PTPRD: variants seen among roughly 807,000 people sequenced by gnomAD.
PTPRD encodes receptor-type tyrosine-protein phosphatase delta.
PTPRD carries 34 observed loss-of-function variants against 214.5 expected under a neutral mutation model. The ratio of observed to expected loss-of-function variants is 0.16; its 90% CI spans 0.12 to 0.21. PTPRD has a LOEUF of 0.21. Ranked by LOEUF, PTPRD falls within the 10% of genes least tolerant of loss-of-function variation. PTPRD has a pLI of 1.00. For missense variants in PTPRD, 2,545 were observed against 2,398.7 expected (o/e 1.06, Z -1.27); for synonymous variants, 1,128 against 845.7 (o/e 1.33, Z -5.79).
chr9:9,448,454 C>G (rs1027101882), intron 8 of PTPRD, among the ~76,000 whole-genome samples: 2 of 152,060 alleles, frequency 1.3e-5, no homozygotes, highest in African/African-American at 4.8e-5. Flanking sequence ...AGTTCATTCT[C>G]TCTCTCTCCT....
At chr9:9,752,082 T>C (rs752743182) in intron 6 of PTPRD, among the ~76,000 whole-genome samples, 1 of 152,058 alleles carries the variant, frequency 6.6e-6, no homozygotes, top group Non-Finnish European at 1.5e-5. Context: ...ATGAAGGAAT[T>C]ATAAAGGAGA....
intron 2 of PTPRD, among the ~76,000 whole-genome samples, chr9:10,521,978 G>T (rs10756058): frequency 0.39 from 58,636 of 151,848 alleles, 12,873 homozygotes; most frequent in Non-Finnish European, 0.51. Context: ...ATGTCTGTAT[G>T]GTCTTTTTGA....
chr9:10,597,372 A>C (rs189083918), intron 2 of PTPRD, among the ~76,000 whole-genome samples: 2,649 of 151,858 alleles, frequency 0.017, 35 homozygotes, highest in Non-Finnish European at 0.029. Context: ...CTTCGAATGA[A>C]TATGCTTTGA....
At chr9:10,428,296 G>C (rs1481186469) in intron 2 of PTPRD, among the ~76,000 whole-genome samples, 4 of 152,060 alleles carry the variant, frequency 2.6e-5, no homozygotes, top group Non-Finnish European at 2.9e-5. Flanking sequence ...GACAGAGCAA[G>C]ACTCTGTCTT....
At chr9:10,129,912 G>C (rs2098846929) in intron 3 of PTPRD, among the ~76,000 whole-genome samples, 1 of 151,264 alleles carries the variant, frequency 6.6e-6, no homozygotes, top group Non-Finnish European at 1.5e-5. Flanking sequence ...TGGTAGTTTG[G>C]TTTAGTGGAA....
intron 10 of PTPRD, among the ~76,000 whole-genome samples, chr9:9,082,825 C>A (rs1378576642): frequency 6.6e-6 from 1 of 151,944 alleles, no homozygotes; most frequent in Non-Finnish European, 1.5e-5. Context: ...AATAAAATAC[C>A]TAGGAATATA....
chr9:10,060,822 T>TCC lies in PTPRD; in HGVS notation c.-544-27033_-544-27032insGG, dbSNP rs1413663336. Among the ~76,000 whole-genome samples the TCC allele has an allele frequency of 1.1e-3, 145 of 127,910 alleles. 9 individuals carry two copies. Among genetic ancestry groups the TCC allele is most frequent in the Middle Eastern group, 3.5e-3 (1 of 282 alleles). The allele number at this position is 127,910 out of a possible 152,430, so 83.9% of individuals were successfully genotyped here. A position where few individuals can be genotyped will look rare whatever the true frequency, so the allele number is the denominator to read the frequency against. On this transcript the variant is annotated intron_variant, in intron 3 of 45. Coordinates refer to ENST00000381196, the MANE Select transcript of PTPRD (RefSeq NM_002839.4). ...TTTCTTCCTTTCTTTCTTTCTTTCT[T>TCC]TCTTTCTTCCTTCCTTCCTTCCTTT...
chr9:9,919,454 T>A (rs2081929041), intron 5 of PTPRD, among the ~76,000 whole-genome samples: 2 of 152,120 alleles, frequency 1.3e-5, no homozygotes, highest in Non-Finnish European at 2.9e-5. Flanking sequence ...ACCAGTGAAC[T>A]CAGTTTCCCA....
intron 12 of PTPRD, among the ~76,000 whole-genome samples, chr9:8,727,697 C>T (rs1386358590): frequency 6.6e-6 from 1 of 152,066 alleles, no homozygotes; most frequent in Non-Finnish European, 1.5e-5. Context: ...CTCTCTGTCA[C>T]ACGGCTGCAG....
intron 7 of PTPRD, among the ~76,000 whole-genome samples, chr9:9,700,100 A>G (rs2097463878): frequency 6.6e-6 from 1 of 152,174 alleles, no homozygotes; most frequent in Non-Finnish European, 1.5e-5. Flanking sequence ...ATAAATATTT[A>G]CATCGGCAAA....
At chr9:10,367,372 T>A (rs1323029457) in intron 2 of PTPRD, among the ~76,000 whole-genome samples, 1 of 152,116 alleles carries the variant, frequency 6.6e-6, no homozygotes, top group Non-Finnish European at 1.5e-5. Context: ...GATATAATAA[T>A]CATAAAAGGA....
chr9:8,621,385 T>C (rs1176541457), intron 14 of PTPRD, among the ~76,000 whole-genome samples: 1 of 151,904 alleles, frequency 6.6e-6, no homozygotes, highest in Non-Finnish European at 1.5e-5. Flanking sequence ...TAATTTTAAT[T>C]TTTAAAAAAA....
intron 7 of PTPRD, among the ~76,000 whole-genome samples, chr9:9,578,608 G>T (rs59844250): frequency 0.012 from 1,861 of 152,156 alleles, 37 homozygotes; most frequent in African/African-American, 0.043. Flanking sequence ...AAGACAGTTT[G>T]TTGGGTTTAG....
At chr9:10,601,739 G>A (rs768651169) in intron 2 of PTPRD, among the ~76,000 whole-genome samples, 19 of 151,694 alleles carry the variant, frequency 1.3e-4, no homozygotes, top group East Asian at 3.9e-4. Context: ...GCTTTTCAGC[G>A]ACAGAAGGCA....
intron 7 of PTPRD, among the ~76,000 whole-genome samples, chr9:9,690,329 C>G (rs1330701100): frequency 1.3e-5 from 2 of 151,654 alleles, no homozygotes; most frequent in East Asian, 3.9e-4. Context: ...ATTTTTAAAA[C>G]AGATGTTTTC....
chr9:9,153,868 C>G (rs1592537846), intron 10 of PTPRD, among the ~76,000 whole-genome samples: 1 of 152,204 alleles, frequency 6.6e-6, no homozygotes, highest in South Asian at 2.1e-4. Flanking sequence ...GGACCAGGAA[C>G]TATTAAAAAG....
chr9:10,093,247 A>C (rs1054269894), intron 3 of PTPRD, among the ~76,000 whole-genome samples: 4 of 151,546 alleles, frequency 2.6e-5, no homozygotes, highest in African/African-American at 9.7e-5. Flanking sequence ...TTAAATCAAC[A>C]AGCAAAATTA....
At chr9:8,430,340 G>C (rs2094959328) in intron 35 of PTPRD, among the ~76,000 whole-genome samples, 1 of 151,646 alleles carries the variant, frequency 6.6e-6, no homozygotes, top group African/African-American at 2.4e-5. Flanking sequence ...CATGATCTCA[G>C]CTCACTGCAG....
chr9:9,381,334 CTCTTT>C (rs1421466549), intron 9 of PTPRD, among the ~76,000 whole-genome samples: 3 of 149,274 alleles, frequency 2.0e-5, no homozygotes, highest in Admixed American at 1.3e-4. Flanking sequence ...TCAATTTTCT[CTCTTT>C]TCTTAGTACA....
Sources: allele counts gnomAD v4.1 joint callset (sites outside exome capture counted in the v4.1 genomes callset), GRCh38; gene constraint gnomAD v4.1.1; transcripts MANE v1.5; gene names NCBI Gene and HGNC (gene_info 2026-07-23, HGNC 2026-07-21).